Variants in PRKAR1B observed in about 807,000 individuals in gnomAD.
PRKAR1B encodes cAMP-dependent protein kinase type I-beta regulatory subunit.
Under a neutral mutation model 46.5 loss-of-function variants are expected in PRKAR1B, and 22 were observed. That is an observed-to-expected ratio of 0.47 (90% CI 0.34 to 0.68). PRKAR1B has a LOEUF of 0.68. PRKAR1B is among the 30% of genes least tolerant of loss of function. The probability of loss-of-function intolerance (pLI) is 0.01; values close to 1 mark genes in which losing one functional copy is unlikely to be tolerated. For synonymous variants in PRKAR1B, 259 were observed against 217.7 expected, an observed-to-expected ratio of 1.19 and a Z score of -1.67; for missense variants, 445 against 535.6, an observed-to-expected ratio of 0.83 and a Z score of 1.67.
At chr7:618,031 C>T (rs2128472372) in intron 4 of PRKAR1B, among the ~76,000 whole-genome samples, 1 of 152,294 alleles carries the variant, frequency 6.6e-6, no homozygotes, top group Non-Finnish European at 1.5e-5. Context: ...GCCTGGGACC[C>T]CCTCACCGCC....
intron 1 of PRKAR1B, among the ~76,000 whole-genome samples, chr7:723,824 T>G (rs1220656469): frequency 6.6e-6 from 1 of 152,156 alleles, no homozygotes; most frequent in Non-Finnish European, 1.5e-5. Flanking sequence ...CCTCCCTCCC[T>G]GTTTGCTACC....
At chr7:646,680 A>C (rs1348873439) in intron 4 of PRKAR1B, among the ~76,000 whole-genome samples, 1 of 152,244 alleles carries the variant, frequency 6.6e-6, no homozygotes, top group African/African-American at 2.4e-5. Context: ...CCCTGAACTC[A>C]CAATGAGATG....
chr7:576,450 C>A (rs185547566), intron 9 of PRKAR1B, among the ~76,000 whole-genome samples: 11 of 152,186 alleles, frequency 7.2e-5, no homozygotes, highest in Admixed American at 7.2e-4. Flanking sequence ...CCCGCAAGGA[C>A]CCCCTTCGTG....
chr7:682,098 G>A (rs927490707), intron 2 of PRKAR1B, among the ~76,000 whole-genome samples: 1 of 152,136 alleles, frequency 6.6e-6, no homozygotes, highest in African/African-American at 2.4e-5. Context: ...GGAGAAGTCA[G>A]GAATCAGCAG....
chr7:578,574 G>A (rs1248602520), intron 9 of PRKAR1B, among the ~76,000 whole-genome samples: 2 of 152,274 alleles, frequency 1.3e-5, no homozygotes, highest in East Asian at 1.9e-4. Context: ...ACAGTGCCAC[G>A]CCATGGCCGG....
At chr7:553,131 G>A (rs887360998) in intron 9 of PRKAR1B, among the ~76,000 whole-genome samples, 8 of 152,212 alleles carry the variant, frequency 5.3e-5, no homozygotes, top group Admixed American at 6.5e-5. Context: ...GGCCAGACGG[G>A]GCTGCCGTGT....
chr7:573,341 G>A (rs753916190), intron 9 of PRKAR1B, among the ~76,000 whole-genome samples: 1 of 151,042 alleles, frequency 6.6e-6, no homozygotes, highest in Non-Finnish European at 1.5e-5. Flanking sequence ...CTCCCCTCCC[G>A]ACCCCCACAC....
intron 7 of PRKAR1B, among the ~76,000 whole-genome samples, chr7:595,105 C>T (rs1032948757): frequency 6.6e-6 from 1 of 152,192 alleles, no homozygotes; most frequent in Non-Finnish European, 1.5e-5. Context: ...TGCGGGTCCT[C>T]GGCCTGGAGC....
chr7:597,464 C>T (rs1330316494), intron 6 of PRKAR1B, among the ~76,000 whole-genome samples: 1 of 152,208 alleles, frequency 6.6e-6, no homozygotes, highest in African/African-American at 2.4e-5. Context: ...CCAGGCTCCC[C>T]AGTTCCTGGA....
chr7:624,101 G>C (rs929758024), intron 4 of PRKAR1B, among the ~76,000 whole-genome samples: 1 of 152,168 alleles, frequency 6.6e-6, no homozygotes, highest in African/African-American at 2.4e-5. Flanking sequence ...ACCAGCACCC[G>C]CAGGTTTAGG....
chr7:585,887 T>C (rs1366184586), intron 7 of PRKAR1B, among the ~76,000 whole-genome samples: 1 of 149,834 alleles, frequency 6.7e-6, no homozygotes, highest in Non-Finnish European at 1.5e-5. Context: ...CTTCCTGACA[T>C]GCTGTTTTGC....
chr7:595,810 A>G (rs1231765439), intron 7 of PRKAR1B, among the ~76,000 whole-genome samples: 3 of 152,188 alleles, frequency 2.0e-5, no homozygotes, highest in Admixed American at 6.5e-5. Context: ...CACGCTCCTC[A>G]CACCTCTTTG....
At chr7:621,074 T>C (rs144721907) in intron 4 of PRKAR1B, among the ~76,000 whole-genome samples, 1 of 152,262 alleles carries the variant, frequency 6.6e-6, no homozygotes, top group Non-Finnish European at 1.5e-5. Flanking sequence ...TTTACATGGA[T>C]AGAGTATTCT....
rs771853240 is a variant in PRKAR1B at position 633,390 on chromosome 7, C to T, written c.441-25938G>A. Among the ~76,000 whole-genome samples, 21 of 152,230 alleles carry T rather than the reference C, an allele frequency of 1.4e-4. 2 individuals carry two copies. The highest frequency in any genetic ancestry group is 8.5e-4 in the Admixed American group (13 of 15,292). On this transcript the variant is annotated intron_variant, in intron 4 of 10. Transcript: ENST00000537384. ...GCACAGGAGACGGGACCCAGGAAGG[C>T]GGCAAGACTTCTGTAATATCCCACG...
At chr7:554,959 C>T (rs370770850) in intron 9 of PRKAR1B, among the ~76,000 whole-genome samples, 2 of 152,328 alleles carry the variant, frequency 1.3e-5, no homozygotes, top group South Asian at 4.1e-4. Context: ...CGGGGAGGTG[C>T]AAGGTCCTCA....
In PRKAR1B at chr7:657,294, T is replaced by C. The variant is rs373861778; in HGVS notation, c.440+19935A>G. On this transcript the variant is annotated intron_variant, in intron 4 of 10. Coordinates refer to ENST00000537384, the MANE Select transcript of PRKAR1B (RefSeq NM_001164760.2). ...ATGGATGGATGGATGGATGGATGGA[T>C]GGATGGATGAATGAATGAGTGAACA... Among the ~76,000 whole-genome samples, 4 of 151,416 alleles carry C rather than the reference T, an allele frequency of 2.6e-5. 1 individual carries two copies. The highest frequency in any genetic ancestry group is 1.5e-5 in the Non-Finnish European group (1 of 67,898).
chr7:579,662 A>C (rs1440359965), intron 8 of PRKAR1B, among the ~76,000 whole-genome samples: 2 of 152,240 alleles, frequency 1.3e-5, no homozygotes, highest in East Asian at 3.8e-4. Context: ...CCCTGGCTTA[A>C]TGTAAATACC....
chr7:662,550 G>A (rs1427994077), intron 4 of PRKAR1B, among the ~76,000 whole-genome samples: 3 of 133,382 alleles, frequency 2.2e-5, no homozygotes, highest in Admixed American at 7.8e-5. Context: ...CAGTGGCACA[G>A]GTCCCCACCC....
chr7:632,410 G>GC (rs1461056735), intron 4 of PRKAR1B, among the ~76,000 whole-genome samples: 1 of 152,062 alleles, frequency 6.6e-6, no homozygotes, highest in Non-Finnish European at 1.5e-5. Context: ...CCCCAACACA[G>GC]CCCCCCGAGC....
Sources: allele counts gnomAD v4.1 joint callset (sites outside exome capture counted in the v4.1 genomes callset), GRCh38; gene constraint gnomAD v4.1.1; transcripts MANE v1.5; gene names NCBI Gene and HGNC (gene_info 2026-07-23, HGNC 2026-07-21).